The following PRR29 variants were observed in gnomAD, a reference collection of about 807,000 sequenced individuals.
PRR29 encodes the protein proline rich 29, also known as proline-rich protein 29.
In PRR29, 20 loss-of-function variants were observed where a neutral mutation model predicts 25.1. The observed-to-expected ratio is 0.80, with a 90% CI of 0.56 to 1.16. The LOEUF (loss-of-function observed/expected upper bound fraction) is 1.16, where lower values mean the gene tolerates loss of function less well. PRR29 is among the 50% of genes most tolerant of loss of function. The pLI is 0.00. For missense variants in PRR29, 238 were observed against 246.6 expected (o/e 0.97, Z 0.23); for synonymous variants, 108 against 102.6 (o/e 1.05, Z -0.32).
At position 64,003,770 on chromosome 17, in the gene PRR29, A is replaced by T. The variant is rs1364456131; in HGVS notation, c.*2009A>T. ...TCCTCTCTGTCAGCCGTGCTGTTGA[A>T]TGTGGCTGTGGCCTCCTGCGGAGCA... On this transcript the variant is annotated 3_prime_UTR_variant, in exon 6 of 6. Coordinates refer to ENST00000412177, the MANE Select transcript of PRR29 (RefSeq NM_001164257.2). 1.2e-6 allele frequency: 2 copies of T among 1,614,264 alleles called. No homozygotes were observed. Among genetic ancestry groups the T allele is most frequent in the Non-Finnish European group, 1.7e-6 (2 of 1,180,042 alleles).
Position 64,001,113 on chromosome 17 carries a change from TGAG to T in PRR29, c.289_291del (p.Glu97del), listed in dbSNP as rs559317966. On this transcript the variant is annotated inframe_deletion, in exon 4 of 6. Transcript: ENST00000412177. ...ACCTGGAGGTTCCACAGGAAGAGCC[TGAG>T]GAGGAGGAGGAGGAGATGGACGTGC... The T allele has an allele frequency of 1.3e-4, 193 of 1,533,682 alleles. No individual in the cohort carries two copies. The highest frequency in any genetic ancestry group is 1.1e-3 in the Admixed American group (56 of 50,958).
rs769476334 is a variant in PRR29 at position 64,002,591 on chromosome 17, G to A, written c.*830G>A. The A allele has an allele frequency of 3.0e-5, 21 of 690,736 alleles. No individual in the cohort carries two copies. Among genetic ancestry groups the A allele is most frequent in the Non-Finnish European group, 4.8e-5 (20 of 418,142 alleles). The allele number at this position is 690,736 out of a possible 1,614,324, so 42.8% of individuals were successfully genotyped here. On this transcript the variant is annotated 3_prime_UTR_variant, in exon 6 of 6. Transcript: ENST00000412177. ...CCCAGGAGGAGACACTGTGGGCACA[G>A]GGCTAAGTCCAGGTGTTTGTATTCG...
rs1321740462 is a variant in PRR29, at chr17:64,002,926, C to T, written c.*1165C>T. 6.2e-7 allele frequency: 1 copy of T among 1,612,036 alleles called. No homozygotes were observed. Among genetic ancestry groups the T allele is most frequent in the East Asian group, 2.2e-5 (1 of 44,766 alleles). Reference sequence around the variant, plus strand: ...ACCATCTGGCTGTCCGACACAGGCTCTGGGGAGGGAGGGGGCAAGGGTCTT... The same window carrying T: ...ACCATCTGGCTGTCCGACACAGGCTTTGGGGAGGGAGGGGGCAAGGGTCTT... On this transcript the variant is annotated 3_prime_UTR_variant, in exon 6 of 6. Coordinates refer to ENST00000412177, the MANE Select transcript of PRR29 (RefSeq NM_001164257.2).
In PRR29 at chr17:64,002,662, C is replaced by T; in HGVS notation, c.*901C>T. 7.9e-7 allele frequency: 1 copy of T among 1,273,188 alleles called. No individual in the cohort carries two copies. Among genetic ancestry groups the T allele is most frequent in the East Asian group, 2.4e-5 (1 of 41,954 alleles). 78.9% of individuals were successfully genotyped at this position (1,273,188 alleles called of 1,614,324 possible). ...CAAGTCTCTGCTGCCTGTCACAGTC[C>T]TTCAGCCAGGGCTGGACCTCAACCC... On this transcript the variant is annotated 3_prime_UTR_variant, in exon 6 of 6. Transcript: ENST00000412177.
intron 3 of PRR29, among the ~76,000 whole-genome samples, chr17:64,000,070 C>T (rs1431034780): frequency 1.3e-5 from 2 of 152,138 alleles, no homozygotes; most frequent in African/African-American, 2.4e-5. Flanking sequence ...GGAATCCAGA[C>T]AGAAGGAGAC....
intron 5 of PRR29, 89 bp from the exon 6 acceptor site, chr17:64,001,644 C>T (rs1468299474): frequency 6.6e-7 from 1 of 1,507,458 alleles, no homozygotes; most frequent in African/African-American, 1.4e-5. Flanking sequence ...AACATCACTG[C>T]TGCAGGCAAC....
rs984389126 is a variant in PRR29, at chr17:64,003,498, G to C, written c.*1737G>C. 1 of 746,282 alleles carries C rather than the reference G, an allele frequency of 1.3e-6. No individual in the cohort carries two copies. The highest frequency in any genetic ancestry group is 1.8e-5 in the South Asian group (1 of 55,542). The allele number at this position is 746,282 out of a possible 1,614,324, so 46.2% of individuals were successfully genotyped here. On this transcript the variant is annotated 3_prime_UTR_variant, in exon 6 of 6. Transcript: ENST00000412177. Reference sequence around the variant, plus strand: ...AGCTGGGGACTTGGAAAGAACTTCAGGGAAGAGGGAGAGTAAGAGGGAAGC... The same window carrying C: ...AGCTGGGGACTTGGAAAGAACTTCACGGAAGAGGGAGAGTAAGAGGGAAGC...
chr17:63,998,820 C>T (rs780848582), intron 2 of PRR29, 38 bp downstream of exon 2: 2 of 790,508 alleles, frequency 2.5e-6, no homozygotes, highest in Non-Finnish European at 3.9e-6. Flanking sequence ...CCCCCACCAT[C>T]ACCACCACTC....
chr17:63,998,797 T>TCCCCCCCCCCCCCC lies in PRR29; in HGVS notation c.136+21_136+22insCCCCCCCCCCCCCC. On this transcript the variant is annotated intron_variant, in intron 2 of 5. Transcript: ENST00000412177. Reference sequence around the variant, plus strand: ...CGTGAAGGAAGGTGAGACTCCCGGGTCCCCCCACCCCACCCCCACCATCAC... The same window carrying TCCCCCCCCCCCCCC: ...CGTGAAGGAAGGTGAGACTCCCGGGTCCCCCCCCCCCCCCCCCCCCACCCCACCCCCACCATCAC... 5 of 1,062,602 alleles carry TCCCCCCCCCCCCCC rather than the reference T, an allele frequency of 4.7e-6. No homozygotes were observed. Among genetic ancestry groups the TCCCCCCCCCCCCCC allele is most frequent in the Non-Finnish European group, 3.9e-6 (3 of 761,700 alleles). 65.8% of individuals were successfully genotyped at this position (1,062,602 alleles called of 1,614,324 possible).
rs565728998 is a variant in PRR29, at chr17:63,999,750, CGT to C, written c.243+686_243+687del. On this transcript the variant is annotated intron_variant, in intron 3 of 5. Transcript: ENST00000412177. Reference sequence around the variant, plus strand: ...GTGCAAGTGGGTGTCTGTGTGCATGCGTGTGTGTGTGCAAGGCTGTGTACATG... The same window carrying C: ...GTGCAAGTGGGTGTCTGTGTGCATGCGTGTGTGTGCAAGGCTGTGTACATG... The C allele has an allele frequency of 1.3e-3, 203 of 155,240 alleles. 1 individual carries two copies. Among genetic ancestry groups the C allele is most frequent in the Middle Eastern group, 9.8e-3 (3 of 306 alleles). The allele number at this position is 155,240 out of a possible 1,614,324, so 9.6% of individuals were successfully genotyped here.
Position 64,003,912 on chromosome 17 carries a change from G to GC in PRR29, c.*2154dup. 6.2e-7 allele frequency: 1 copy of GC among 1,614,094 alleles called. No homozygotes were observed. The highest frequency in any genetic ancestry group is 1.1e-5 in the South Asian group (1 of 91,068). On this transcript the variant is annotated 3_prime_UTR_variant, in exon 6 of 6. Coordinates refer to ENST00000412177, the MANE Select transcript of PRR29 (RefSeq NM_001164257.2). Reference sequence around the variant, plus strand: ...CCCTGCACTCAATGGTGAAGGACTTGCCCACAGCCACCAAAGTGGGTTGCA... The same window carrying GC: ...CCCTGCACTCAATGGTGAAGGACTTGCCCCACAGCCACCAAAGTGGGTTGCA...
chr17:64,002,955 C>T lies in PRR29; in HGVS notation c.*1194C>T, dbSNP rs200310373. 208 of 1,596,752 alleles carry T rather than the reference C, an allele frequency of 1.3e-4. No homozygotes were observed. In the East Asian group the frequency reaches 1.5e-3, roughly 11 times the overall value. On this transcript the variant is annotated 3_prime_UTR_variant, in exon 6 of 6. Transcript: ENST00000412177. Reference sequence around the variant, plus strand: ...GGAGGGAGGGGGCAAGGGTCTTAGACGTCCTGTGATCCCAGTTACCAGGGA... The same window carrying T: ...GGAGGGAGGGGGCAAGGGTCTTAGATGTCCTGTGATCCCAGTTACCAGGGA...
At chr17:63,998,817 C>A in intron 2 of PRR29, 35 bp downstream of exon 2, 2 of 1,141,126 alleles carry the variant, frequency 1.8e-6, no homozygotes, top group Non-Finnish European at 2.5e-6. Context: ...CCACCCCCAC[C>A]ATCACCACCA....
In PRR29 at chr17:64,002,629, C is replaced by CT. The variant is rs1910854108; in HGVS notation, c.*868_*869insT. On this transcript the variant is annotated 3_prime_UTR_variant, in exon 6 of 6. Transcript: ENST00000412177. ...GTGTTTGTATTCGGGCTAGAAAAGG[C>CT]AATGTCCCAAGTCTCTGCTGCCTGT... The CT allele has an allele frequency of 1.1e-6, 1 of 884,846 alleles. No homozygotes were observed. 54.8% of individuals were successfully genotyped at this position (884,846 alleles called of 1,614,324 possible). A position where few individuals can be genotyped will look rare whatever the true frequency, so the allele number is the denominator to read the frequency against.
chr17:63,999,857 AGT>A (rs1409603499), intron 3 of PRR29: 2 of 140,692 alleles, frequency 1.4e-5, no homozygotes, highest in Admixed American at 7.3e-5. Context: ...TGTGAAGGCA[AGT>A]GTGTGCGTGC....
At position 64,001,995 on chromosome 17, in the gene PRR29, C is replaced by T; in HGVS notation, c.*234C>T. The T allele has an allele frequency of 6.5e-7, 1 of 1,532,186 alleles. No individual in the cohort carries two copies. Among genetic ancestry groups the T allele is most frequent in the South Asian group, 1.2e-5 (1 of 83,990 alleles). 94.9% of individuals were successfully genotyped at this position (1,532,186 alleles called of 1,614,324 possible). A position where few individuals can be genotyped will look rare whatever the true frequency, so the allele number is the denominator to read the frequency against. The stretch of plus-strand genomic sequence containing the variant: ...GTGTAAGAGCTCCCTAGAGCACCAC[C>T]CAGGCCCTTGAAGCCACGTCAGCCC... On this transcript the variant is annotated 3_prime_UTR_variant, in exon 6 of 6. Transcript: ENST00000412177.
At position 63,999,058 on chromosome 17, in the gene PRR29, C is replaced by A. The variant is rs772201921; in HGVS notation, c.227C>A (p.Ala76Asp). Residue 76 changes from alanine (A) to aspartate (D), a missense_variant, in exon 3 of 6, where the codon GCC becomes GAC. Transcript: ENST00000412177. The stretch of plus-strand genomic sequence containing the variant: ...GCTGGAGCGCTGCAGCCCCGGCCTG[C>A]CTCGCCCTGCCCTCAGGTGCGTGTG... The part of the protein sequence containing the change: ...LVAGALQPRP[A>D]SPCPQVYLEV... 709 of 1,535,850 alleles carry A rather than the reference C, an allele frequency of 4.6e-4. 2 individuals carry two copies. The highest frequency in any genetic ancestry group is 6.1e-4 in the Non-Finnish European group (694 of 1,146,712).
chr17:64,000,164 G>A (rs1170945494), intron 3 of PRR29, among the ~76,000 whole-genome samples: 1 of 152,186 alleles, frequency 6.6e-6, no homozygotes, highest in Non-Finnish European at 1.5e-5. Flanking sequence ...TGAGGCCGGG[G>A]ACAGCTCAGT....
At position 64,002,036 on chromosome 17, in the gene PRR29, C is replaced by A. The variant is rs371422179; in HGVS notation, c.*275C>A. 18 of 1,505,504 alleles carry A rather than the reference C, an allele frequency of 1.2e-5. No homozygotes were observed. The highest frequency in any genetic ancestry group is 7.4e-5 in the East Asian group (3 of 40,654). The allele number at this position is 1,505,504 out of a possible 1,614,324, so 93.3% of individuals were successfully genotyped here. ...ACGTCAGCCCGCCTCTGCCCCACTG[C>A]TTCCTGCCTGGAGCAGGGGGAGGCC... On this transcript the variant is annotated 3_prime_UTR_variant, in exon 6 of 6. Coordinates refer to ENST00000412177, the MANE Select transcript of PRR29 (RefSeq NM_001164257.2).
Sources: allele counts gnomAD v4.1 joint callset (sites outside exome capture counted in the v4.1 genomes callset), GRCh38; gene constraint gnomAD v4.1.1; transcripts MANE v1.5; gene names NCBI Gene and HGNC (gene_info 2026-07-23, HGNC 2026-07-21).